The following PPFIA4 variants were observed in gnomAD, a reference collection of about 807,000 sequenced individuals.
The protein encoded by PPFIA4 is liprin-alpha-4.
Under a neutral mutation model 145.7 loss-of-function variants are expected in PPFIA4, and 98 were observed. The ratio of observed to expected loss-of-function variants is 0.67; its 90% confidence interval spans 0.57 to 0.80. PPFIA4 has a LOEUF of 0.80. Ranked by LOEUF, PPFIA4 falls within the 30% of genes least tolerant of loss-of-function variation. The pLI, the probability that PPFIA4 is intolerant of heterozygous loss-of-function variation, is 0.00. For synonymous variants in PPFIA4, 628 were observed against 649.6 expected (o/e 0.97, Z 0.51); for missense variants, 1,457 against 1,632.7 (o/e 0.89, Z 1.85).
At chr1:203,067,054 A>G (rs551157550) in intron 25 of PPFIA4, among the ~76,000 whole-genome samples, 1 of 152,324 alleles carries the variant, frequency 6.6e-6, no homozygotes, top group East Asian at 1.9e-4. Flanking sequence ...AGTTGGACTG[A>G]GAAGGTGACA....
At chr1:203,069,056 G>A (rs1661946297) in intron 27 of PPFIA4, among the ~76,000 whole-genome samples, 1 of 152,072 alleles carries the variant, frequency 6.6e-6, no homozygotes, top group Admixed American at 6.5e-5. Flanking sequence ...ACCACCCTAG[G>A]GATCTGCTCC....
Position 203,068,391 on chromosome 1 carries a change from T to C in PPFIA4, c.3149-62T>C. The C allele has an allele frequency of 6.9e-7, 1 of 1,450,690 alleles. No homozygotes were observed. The highest frequency in any genetic ancestry group is 9.4e-7 in the Non-Finnish European group (1 of 1,068,360). The allele number at this position is 1,450,690 out of a possible 1,614,324, so 89.9% of individuals were successfully genotyped here. ...GGTTTAGGGAGCTCTGCTTCTGTCC[T>C]TGGAGGGCCCTTGATGAAACGTAGT... On this transcript the variant is annotated intron_variant, in intron 26 of 29. Transcript: ENST00000295706. This position sits in a 1 kb window ranked among gnomAD's most constrained non-coding sequence, Gnocchi z 4.7.
intron 15 of PPFIA4, 106 bp downstream of exon 15, chr1:203,054,067 A>C: frequency 8.0e-7 from 1 of 1,253,494 alleles, no homozygotes; most frequent in Non-Finnish European, 1.1e-6. Context: ...GCTGCAACTT[A>C]GAGTACCACA....
chr1:203,051,945 CGCAGACG>C, intron 14 of PPFIA4, 68 bp downstream of exon 14: 1 of 1,531,208 alleles, frequency 6.5e-7, no homozygotes, highest in Non-Finnish European at 8.9e-7. Context: ...GCTCCAGTTA[CGCAGACG>C]GCTGGTGTGT....
chr1:203,044,294 G>A, intron 4 of PPFIA4, 85 bp from the exon 5 acceptor site: 1 of 1,343,082 alleles, frequency 7.4e-7, no homozygotes, highest in Non-Finnish European at 1.0e-6. Flanking sequence ...CTCATGCTCA[G>A]TGGTGGTAGA....
At chr1:203,028,165 G>A (rs573964185) in intron 1 of PPFIA4, among the ~76,000 whole-genome samples, 1 of 152,318 alleles carries the variant, frequency 6.6e-6, no homozygotes, top group African/African-American at 2.4e-5. Context: ...ATAGTGTGGG[G>A]GAGGAGGGTG....
intron 28 of PPFIA4, among the ~76,000 whole-genome samples, chr1:203,074,756 G>A (rs1236661546): frequency 6.6e-6 from 1 of 152,078 alleles, no homozygotes; most frequent in Middle Eastern, 3.2e-3. Flanking sequence ...GAAGTGTGGG[G>A]TGGGGAGGCC....
rs1444402068 is a variant in PPFIA4 at position 203,038,968 on chromosome 1, C to T, written c.-41C>T. ...GGAGGTGCCAACCCTGTGAGTCCCT[C>T]CCTGTCCCCTGACGCTGAGAAGGCC... On this transcript the variant is annotated 5_prime_UTR_variant, in exon 2 of 30. Transcript: ENST00000295706. The T allele has an allele frequency of 8.7e-7, 1 of 1,153,800 alleles. No individual in the cohort carries two copies. The highest frequency in any genetic ancestry group is 1.2e-6 in the Non-Finnish European group (1 of 810,846). 71.5% of individuals were successfully genotyped at this position (1,153,800 alleles called of 1,614,324 possible).
chr1:203,044,911 C>T (rs1463727572), intron 6 of PPFIA4, 126 bp downstream of exon 6: 1 of 809,574 alleles, frequency 1.2e-6, no homozygotes, highest in South Asian at 1.5e-5. Flanking sequence ...TCTGATATTC[C>T]CCCTTCTCTT....
In PPFIA4 at chr1:203,045,472, T is replaced by G; in HGVS notation, c.771T>G (p.Thr257=). The change falls in exon 7 of 30, where the codon ACT becomes ACG. Residue 257 remains threonine (T), a synonymous_variant. Transcript: ENST00000295706. Reference sequence around the variant, plus strand: ...TGGTCACCCTAACAACAACCGTGACTGAACTCGAGGAGGACCTGGGCACGG... The same window carrying G: ...TGGTCACCCTAACAACAACCGTGACGGAACTCGAGGAGGACCTGGGCACGG... ...ERLVTLTTTV[T]ELEEDLGTAR... is the part of the protein sequence containing the mutation. 6.2e-7 allele frequency: 1 copy of G among 1,609,618 alleles called. No individual in the cohort carries two copies.
intron 20 of PPFIA4, among the ~76,000 whole-genome samples, 196 bp downstream of exon 20, chr1:203,059,467 A>G (rs537274899): frequency 5.1e-4 from 77 of 152,284 alleles, no homozygotes; most frequent in African/African-American, 1.7e-3. Flanking sequence ...GAAGGAGGCA[A>G]GGGGGTTATG....
At chr1:203,046,121 G>T (rs114122079) in intron 8 of PPFIA4, 127 bp from the exon 9 acceptor site, 3 of 1,550,676 alleles carry the variant, frequency 1.9e-6, no homozygotes, top group Admixed American at 1.8e-5. Flanking sequence ...CAGGCGTCTC[G>T]GGCAGCCAAC....
Position 203,039,000 on chromosome 1 carries a change from AC to A in PPFIA4, c.-4del, listed in dbSNP as rs1317691015. ...CCCTGACGCTGAGAAGGCCCTGCCA[AC>A]CCCCACCATGTGTGAGGTGATGCCC... On this transcript the variant is annotated 5_prime_UTR_variant, in exon 2 of 30. Transcript: ENST00000295706. 1.4e-6 allele frequency: 2 copies of A among 1,460,892 alleles called. No homozygotes were observed. Among genetic ancestry groups the A allele is most frequent in the Non-Finnish European group, 1.8e-6 (2 of 1,084,012 alleles). 90.5% of individuals were successfully genotyped at this position (1,460,892 alleles called of 1,614,324 possible).
At chr1:203,050,120 G>A (rs898797632) in intron 13 of PPFIA4, among the ~76,000 whole-genome samples, 2 of 152,212 alleles carry the variant, frequency 1.3e-5, no homozygotes, top group African/African-American at 4.8e-5. Flanking sequence ...CACTGGTAGG[G>A]AGAGCCATTC....
At position 203,068,791 on chromosome 1, in the gene PPFIA4, G is replaced by A. The variant is rs1384974190; in HGVS notation, c.3324+163G>A. Among the ~76,000 whole-genome samples, 2 of 152,104 alleles carry A rather than the reference G, an allele frequency of 1.3e-5. No homozygotes were observed. Among genetic ancestry groups the A allele is most frequent in the Non-Finnish European group, 2.9e-5 (2 of 68,008 alleles). On this transcript the variant is annotated intron_variant, in intron 27 of 29. Coordinates refer to ENST00000295706, the MANE Select transcript of PPFIA4 (RefSeq NM_001304331.2). The surrounding 1 kb of genome is among the most constrained non-coding windows in gnomAD (Gnocchi z 4.7). ...AATGTCCTCAATTCTCCAAGTGATC[G>A]CTGTGCATAAGCAAGCCCTCATGGG...
At chr1:203,070,839 A>G (rs551020122) in intron 27 of PPFIA4, among the ~76,000 whole-genome samples, 2 of 152,232 alleles carry the variant, frequency 1.3e-5, no homozygotes, top group South Asian at 2.1e-4. Flanking sequence ...CATGGTTTAC[A>G]TGCTTACTTA....
intron 18 of PPFIA4, 36 bp downstream of exon 18, chr1:203,056,544 C>A (rs779852891): frequency 6.2e-7 from 1 of 1,603,596 alleles, no homozygotes. Flanking sequence ...GTCTCTCCAT[C>A]CACAGGGTCC....
chr1:203,049,642 C>G (rs1660349327), intron 12 of PPFIA4, 34 bp from the exon 13 acceptor site: 1 of 1,446,674 alleles, frequency 6.9e-7, no homozygotes, highest in Non-Finnish European at 9.2e-7. Flanking sequence ...CCCTGGCCCC[C>G]ACTCCCGCCC....
chr1:203,074,992 G>A (rs1662417911), intron 28 of PPFIA4, among the ~76,000 whole-genome samples: 1 of 152,122 alleles, frequency 6.6e-6, no homozygotes, highest in African/African-American at 2.4e-5. Context: ...AACAGGTAGG[G>A]CAGATGTTAT....
Sources: gnomAD v4.1 joint callset for allele counts (sites outside exome capture counted in the v4.1 genomes callset) on GRCh38, gnomAD v4.1.1 for gene constraint, Gnocchi (gnomAD v3.1) non-coding constraint, MANE v1.5 for transcripts, NCBI Gene and HGNC (gene_info 2026-07-23, HGNC 2026-07-21) for gene names.